AMZ2: variants seen among roughly 807,000 people sequenced by gnomAD.
AMZ2 encodes the protein archaemetzincin-2.
AMZ2 carries 26 observed loss-of-function variants against 36.7 expected under a neutral mutation model. The ratio of observed to expected loss-of-function variants is 0.71; its 90% CI spans 0.52 to 0.98. The LOEUF (loss-of-function observed/expected upper bound fraction) is 0.98. Ranked by LOEUF, AMZ2 falls within the 50% of genes least tolerant of loss-of-function variation. The probability of loss-of-function intolerance (pLI) is 0.00; values close to 1 mark genes in which losing one functional copy is unlikely to be tolerated. For missense variants in AMZ2, 394 were observed against 430.5 expected, an observed-to-expected ratio of 0.92 and a Z score of 0.75; for synonymous variants, 144 against 149.1, an observed-to-expected ratio of 0.97 and a Z score of 0.25.
intron 2 of AMZ2, 103 bp downstream of exon 2, chr17:68,250,573 C>G (rs782120728): frequency 1.3e-5 from 18 of 1,424,272 alleles, no homozygotes; most frequent in Non-Finnish European, 1.7e-5. Flanking sequence ...GTTTTAGGAT[C>G]GTTTTTGATA....
chr17:68,248,505 C>G lies in AMZ2; in HGVS notation c.-201C>G. ...TAGGCCTCCAGCCCACTGCAGTGAC[C>G]GAATTCTGCGCCCCCTGCCCATCTT... On this transcript the variant is annotated 5_prime_UTR_variant, in exon 1 of 7. Transcript: ENST00000359904. The G allele has an allele frequency of 1.0e-6, 1 of 986,082 alleles. No individual in the cohort carries two copies. Among genetic ancestry groups the G allele is most frequent in the South Asian group, 4.7e-5 (1 of 21,288 alleles). The allele number at this position is 986,082 out of a possible 1,614,324, so 61.1% of individuals were successfully genotyped here.
chr17:68,206,730 C>T (rs782811702), intron 1 of AMZ2: 8 of 152,208 alleles, frequency 5.3e-5, no homozygotes, highest in African/African-American at 1.2e-4. Flanking sequence ...CAGATTGTGG[C>T]ACACAAACAC....
In AMZ2 at chr17:68,257,092, C is replaced by A; in HGVS notation, c.*123C>A. 2.0e-6 allele frequency: 2 copies of A among 1,003,198 alleles called. No homozygotes were observed. Among genetic ancestry groups the A allele is most frequent in the Admixed American group, 5.7e-5 (2 of 34,784 alleles). The allele number at this position is 1,003,198 out of a possible 1,614,324, so 62.1% of individuals were successfully genotyped here. ...CTGTGTCAAAGTAACAGACTAGAACCTTCTTTCAAGTACCTGAATTGAAAT... is the reference window on the plus strand; with the variant it reads ...CTGTGTCAAAGTAACAGACTAGAACATTCTTTCAAGTACCTGAATTGAAAT... On this transcript the variant is annotated 3_prime_UTR_variant, in exon 7 of 7. Coordinates refer to ENST00000359904, the MANE Select transcript of AMZ2 (RefSeq NM_016627.5).
intron 1 of AMZ2, among the ~76,000 whole-genome samples, chr17:68,215,479 A>C (rs2073172347): frequency 7.3e-6 from 1 of 137,314 alleles, no homozygotes; most frequent in Admixed American, 7.2e-5. Context: ...GCTTGAACCT[A>C]GGAGGCGGAG....
At position 68,242,592 on chromosome 17, in the gene AMZ2, T is replaced by G. The variant is rs1195236050; in HGVS notation, c.-66-6048T>G. On this transcript the variant is annotated intron_variant, in intron 1 of 7. Transcript: ENST00000674770. ...ATGCCCAGCTAATTTCTGTATTTTT[T>G]AGTAGAGATGGGGTTTCACCTTGTT... 2.0e-5 allele frequency among the ~76,000 whole-genome samples: 3 copies of G among 152,126 alleles called. 1 individual carries two copies. In the East Asian group the frequency reaches 5.8e-4, roughly 29 times the overall value.
At chr17:68,254,871 G>A (rs2074778639) in intron 5 of AMZ2, among the ~76,000 whole-genome samples, 1 of 152,152 alleles carries the variant, frequency 6.6e-6, no homozygotes, top group African/African-American at 2.4e-5. Flanking sequence ...AAGCTACTGT[G>A]GTCATTGGGC....
At chr17:68,252,019 C>A (rs2074518256) in intron 4 of AMZ2, among the ~76,000 whole-genome samples, 1 of 151,286 alleles carries the variant, frequency 6.6e-6, no homozygotes, top group African/African-American at 2.4e-5. Flanking sequence ...ATATTTTTAA[C>A]CTTTTTTTTT....
At chr17:68,212,952 C>T (rs1750405316) in intron 1 of AMZ2, among the ~76,000 whole-genome samples, 1 of 152,144 alleles carries the variant, frequency 6.6e-6, no homozygotes, top group Non-Finnish European at 1.5e-5. Flanking sequence ...TTGGACTCTG[C>T]TTAGATTGGC....
chr17:68,221,736 G>GA (rs57589374), intron 1 of AMZ2, among the ~76,000 whole-genome samples: 4 of 148,324 alleles, frequency 2.7e-5, no homozygotes, highest in Non-Finnish European at 3.0e-5. Context: ...TTAAAAAAAA[G>GA]AAAAAAAAAA....
chr17:68,230,576 C>A, intron 1 of AMZ2, among the ~76,000 whole-genome samples: 1 of 152,246 alleles, frequency 6.6e-6, no homozygotes, highest in Non-Finnish European at 1.5e-5. Flanking sequence ...CATGTCCTAT[C>A]TTTCCAGGTG....
rs2073759566 is a variant in AMZ2, at chr17:68,235,274, T to C, written c.-66-13366T>C. The stretch of plus-strand genomic sequence containing the variant: ...CTTTGTGTTTTTGCCTTTGGGCTTT[T>C]GCCATGCCTGGTTATTGGGCACCTT... On this transcript the variant is annotated intron_variant, in intron 1 of 7. Transcript: ENST00000674770. The surrounding 1 kb of genome is among the most constrained non-coding windows in gnomAD (Gnocchi z 4.2). 6.6e-6 allele frequency among the ~76,000 whole-genome samples: 1 copy of C among 152,226 alleles called. No individual in the cohort carries two copies. The highest frequency in any genetic ancestry group is 2.4e-5 in the African/African-American group (1 of 41,456).
intron 1 of AMZ2, among the ~76,000 whole-genome samples, chr17:68,238,351 C>T (rs1369806289): frequency 6.6e-6 from 1 of 152,216 alleles, no homozygotes; most frequent in African/African-American, 2.4e-5. Context: ...CCAGCCTGAC[C>T]AGGGACTTTC....
chr17:68,235,514 A>C lies in AMZ2; in HGVS notation c.-66-13126A>C, dbSNP rs1378489876. The stretch of plus-strand genomic sequence containing the variant: ...GGAGTTCGCGCCCTCTCACTGTGGC[A>C]CACGGGCCTGAGCCTCAGGAACACT... On this transcript the variant is annotated intron_variant, in intron 1 of 7. Coordinates refer to the AMZ2 transcript ENST00000674770. This position sits in a 1 kb window ranked among gnomAD's most constrained non-coding sequence, Gnocchi z 4.2. Among the ~76,000 whole-genome samples the C allele has an allele frequency of 6.6e-6, 1 of 152,146 alleles. No individual in the cohort carries two copies. The highest frequency in any genetic ancestry group is 2.4e-5 in the African/African-American group (1 of 41,428).
Position 68,256,963 on chromosome 17 carries a change from A to C in AMZ2, c.1077A>C (p.Gln359His). The C allele has an allele frequency of 6.2e-7, 1 of 1,613,168 alleles. No homozygotes were observed. The highest frequency in any genetic ancestry group is 1.1e-5 in the South Asian group (1 of 90,816). The change falls in exon 7 of 7, where the codon CAA becomes CAC. Residue 359 changes from glutamine (Q) to histidine (H), a missense_variant. Physicochemically the swap from Gln to His is conservative, Grantham distance 24. Transcript: ENST00000359904. ...TAATAAAATGCCTGGCTGTTCTCCA[A>C]AAATGAGGACCTTCAAATAGGAGTG... is the stretch of plus-strand genomic sequence containing the variant. ...EWIIKCLAVL[Q>H]K
chr17:68,211,453 A>C (rs1353603730), intron 1 of AMZ2, among the ~76,000 whole-genome samples: 1 of 151,310 alleles, frequency 6.6e-6, no homozygotes, highest in Non-Finnish European at 1.5e-5. Flanking sequence ...CAGTGAGCCA[A>C]GATTACACCA....
intron 1 of AMZ2, among the ~76,000 whole-genome samples, chr17:68,242,351 T>C (rs1441365062): frequency 3.9e-5 from 6 of 152,020 alleles, no homozygotes; most frequent in Admixed American, 2.0e-4. Context: ...TGTAGAAAGT[T>C]TGGAAAATGC....
chr17:68,248,901 A>G, intron 1 of AMZ2, 196 bp downstream of exon 1: 2 of 645,936 alleles, frequency 3.1e-6, no homozygotes, highest in Non-Finnish European at 4.0e-6. Flanking sequence ...ACATTAGCTT[A>G]AGTTTTCCCA....
chr17:68,232,191 C>T (rs781224941), intron 1 of AMZ2, among the ~76,000 whole-genome samples: 11 of 146,306 alleles, frequency 7.5e-5, no homozygotes, highest in Non-Finnish European at 1.5e-4. Flanking sequence ...ACCTTAAGAA[C>T]GTGCCAATCA....
chr17:68,216,373 A>T (rs1173739258), intron 1 of AMZ2, among the ~76,000 whole-genome samples: 1 of 152,144 alleles, frequency 6.6e-6, no homozygotes, highest in Non-Finnish European at 1.5e-5. Flanking sequence ...GGTTCAAGCA[A>T]TCCTCCCACC....
Sources: allele counts gnomAD v4.1 joint callset (sites outside exome capture counted in the v4.1 genomes callset), GRCh38; gene constraint gnomAD v4.1.1; non-coding constraint Gnocchi (gnomAD v3.1); transcripts MANE v1.5; gene names NCBI Gene and HGNC (gene_info 2026-07-23, HGNC 2026-07-21).